Variants in AUTS2 observed in about 807,000 individuals in gnomAD.
The protein encoded by AUTS2 is autism susceptibility gene 2 protein.
AUTS2 carries 17 observed loss-of-function variants against 112.4 expected under a neutral mutation model. The observed-to-expected ratio is 0.15, with a 90% CI of 0.10 to 0.23. AUTS2 has a LOEUF of 0.23. Among genes scored for constraint, AUTS2 ranks in the 10% least tolerant of loss-of-function variants. AUTS2 has a pLI of 1.00. For missense variants in AUTS2, 1,510 were observed against 1,701.6 expected (o/e 0.89, Z 1.98); for synonymous variants, 751 against 702.7 (o/e 1.07, Z -1.09).
chr7:69,700,158 A>G (rs1797745441), intron 1 of AUTS2, among the ~76,000 whole-genome samples: 2 of 152,260 alleles, frequency 1.3e-5, no homozygotes, highest in South Asian at 4.2e-4. Context: ...ATTTTTGCCA[A>G]TCTGATAGGA....
intron 5 of AUTS2, among the ~76,000 whole-genome samples, chr7:70,514,685 G>T (rs1473551953): frequency 6.6e-6 from 1 of 152,158 alleles, no homozygotes; most frequent in Non-Finnish European, 1.5e-5. Flanking sequence ...GTATCATGGG[G>T]TCATAAGGTG....
intron 5 of AUTS2, among the ~76,000 whole-genome samples, chr7:70,614,280 T>A (rs1005724323): frequency 7.3e-5 from 11 of 150,240 alleles, no homozygotes; most frequent in Admixed American, 1.3e-4. Context: ...TACATAAAAA[T>A]TTAAATTACT....
intron 1 of AUTS2, among the ~76,000 whole-genome samples, chr7:69,742,741 C>G (rs1787322995): frequency 1.3e-5 from 2 of 152,090 alleles, no homozygotes; most frequent in South Asian, 2.1e-4. Context: ...TGTAATACTT[C>G]CTATTTCTCT....
intron 5 of AUTS2, among the ~76,000 whole-genome samples, chr7:70,622,393 C>G (rs1249469946): frequency 1.3e-5 from 2 of 152,132 alleles, no homozygotes; most frequent in Non-Finnish European, 2.9e-5. Context: ...GTTCTTTAAG[C>G]AGCACATTCT....
intron 5 of AUTS2, among the ~76,000 whole-genome samples, chr7:70,540,297 C>T (rs1800499014): frequency 6.6e-6 from 1 of 152,170 alleles, no homozygotes; most frequent in Non-Finnish European, 1.5e-5. Flanking sequence ...CATCCTCTCT[C>T]TTTGGGAAGG....
At chr7:69,767,326 A>G (rs1014137612) in intron 1 of AUTS2, among the ~76,000 whole-genome samples, 5 of 152,028 alleles carry the variant, frequency 3.3e-5, no homozygotes, top group African/African-American at 1.2e-4. Flanking sequence ...ATAGGCACAC[A>G]CAACCATGCC....
intron 1 of AUTS2, among the ~76,000 whole-genome samples, chr7:69,767,517 C>T (rs1028456727): frequency 2.0e-5 from 3 of 152,124 alleles, no homozygotes; most frequent in Admixed American, 6.5e-5. Context: ...GAACTTTTGC[C>T]GTAGTTGGAC....
chr7:69,621,173 G>C (rs771060954), intron 1 of AUTS2, among the ~76,000 whole-genome samples: 1 of 152,140 alleles, frequency 6.6e-6, no homozygotes, highest in Non-Finnish European at 1.5e-5. Context: ...GGTTGGTGCC[G>C]TTTTGATTCC....
intron 1 of AUTS2, among the ~76,000 whole-genome samples, chr7:69,888,547 A>ATATATG (rs1794379657): frequency 9.8e-6 from 1 of 102,006 alleles, no homozygotes. Context: ...GGGGATATAT[A>ATATATG]TATATATATA....
rs1195817040 is a variant in AUTS2 at position 70,631,398 on chromosome 7, G to A, written c.691-67171G>A. Among the ~76,000 whole-genome samples, 2 of 152,158 alleles carry A rather than the reference G, an allele frequency of 1.3e-5. No individual in the cohort carries two copies. Among genetic ancestry groups the A allele is most frequent in the Non-Finnish European group, 2.9e-5 (2 of 68,028 alleles). The stretch of plus-strand genomic sequence containing the variant: ...GTGTCTGCACTGCTGTGTGCGTGTC[G>A]GGCATGCTGCTCTGTGCGGGAAGAG... On this transcript the variant is annotated intron_variant, in intron 5 of 18. Transcript: ENST00000342771. The surrounding 1 kb of genome is among the most constrained non-coding windows in gnomAD (Gnocchi z 4.5).
At chr7:70,537,929 A>G (rs923608061) in intron 5 of AUTS2, among the ~76,000 whole-genome samples, 1 of 152,238 alleles carries the variant, frequency 6.6e-6, no homozygotes, top group Non-Finnish European at 1.5e-5. Flanking sequence ...TGGGACAGCC[A>G]TGACATGTGG....
At chr7:70,004,522 CA>C (rs1162310314) in intron 2 of AUTS2, among the ~76,000 whole-genome samples, 2 of 148,890 alleles carry the variant, frequency 1.3e-5, no homozygotes, top group East Asian at 3.9e-4. Flanking sequence ...GAAGGAACTA[CA>C]AAAAGTTTTA....
At chr7:69,906,774 G>C (rs923707235) in intron 2 of AUTS2, among the ~76,000 whole-genome samples, 1 of 152,128 alleles carries the variant, frequency 6.6e-6, no homozygotes, top group African/African-American at 2.4e-5. Context: ...TATATACATA[G>C]GCAGAGTTGA....
Position 70,220,657 on chromosome 7 carries a change from A to G in AUTS2, c.660+86086A>G, listed in dbSNP as rs557411699. ...GCTACGGATGCATGGAAATGATGGG[A>G]TATCAGCTGGATCCTGAAGAAAAAG... On this transcript the variant is annotated intron_variant, in intron 4 of 18. Coordinates refer to ENST00000342771, the MANE Select transcript of AUTS2 (RefSeq NM_015570.4). 1.1e-4 allele frequency among the ~76,000 whole-genome samples: 16 copies of G among 152,342 alleles called. No individual in the cohort carries two copies. The South Asian group carries it at 2.3e-3, about 22-fold the overall frequency.
At chr7:70,788,618 C>A (rs1281145939) in intron 18 of AUTS2, among the ~76,000 whole-genome samples, 3 of 152,224 alleles carry the variant, frequency 2.0e-5, no homozygotes, top group Non-Finnish European at 4.4e-5. Flanking sequence ...GCGTGTTTTT[C>A]TGGATGGCGT....
At chr7:70,585,710 C>T (rs888442837) in intron 5 of AUTS2, among the ~76,000 whole-genome samples, 5 of 152,130 alleles carry the variant, frequency 3.3e-5, no homozygotes, top group African/African-American at 1.2e-4. Context: ...TGATCACCCT[C>T]GCTATTACCC....
At chr7:70,212,696 A>AG (rs1810970624) in intron 4 of AUTS2, among the ~76,000 whole-genome samples, 1 of 152,042 alleles carries the variant, frequency 6.6e-6, no homozygotes. Flanking sequence ...TTCAGGAAAA[A>AG]AAAAAATGTA....
intron 1 of AUTS2, among the ~76,000 whole-genome samples, chr7:69,649,928 G>A (rs1360917480): frequency 6.6e-6 from 1 of 152,152 alleles, no homozygotes; most frequent in Non-Finnish European, 1.5e-5. Flanking sequence ...AATATACCAT[G>A]AAGTCATTTT....
At chr7:69,817,292 C>T (rs917417884) in intron 1 of AUTS2, among the ~76,000 whole-genome samples, 2 of 152,340 alleles carry the variant, frequency 1.3e-5, no homozygotes, top group East Asian at 1.9e-4. Context: ...GCCAAGAACT[C>T]GGCTCTCTAG....
Sources: gnomAD v4.1 joint callset for allele counts (sites outside exome capture counted in the v4.1 genomes callset) on GRCh38, gnomAD v4.1.1 for gene constraint, Gnocchi (gnomAD v3.1) non-coding constraint, MANE v1.5 for transcripts, NCBI Gene and HGNC (gene_info 2026-07-23, HGNC 2026-07-21) for gene names.